The following CECR2 variants were observed in gnomAD, a reference collection of about 807,000 sequenced individuals.
CECR2 encodes chromatin remodeling regulator CECR2.
A neutral mutation model predicts 154.5 loss-of-function variants in CECR2; 30 were observed. The ratio of observed to expected loss-of-function variants is 0.19; its 90% CI spans 0.15 to 0.26. The LOEUF (loss-of-function observed/expected upper bound fraction) is 0.26. CECR2 is among the 10% of genes least tolerant of loss of function. The probability of loss-of-function intolerance (pLI) is 1.00; values close to 1 mark genes in which losing one functional copy is unlikely to be tolerated. For synonymous variants in CECR2, 725 were observed against 683.7 expected (o/e 1.06, Z -0.94); for missense variants, 1,743 against 1,829.3 (o/e 0.95, Z 0.86).
intron 16 of CECR2, among the ~76,000 whole-genome samples, chr22:17,546,484 T>C (rs1379467414): frequency 2.5e-5 from 2 of 80,026 alleles, no homozygotes; most frequent in Non-Finnish European, 4.3e-5. Flanking sequence ...AGACTCTGTC[T>C]CAAAAAAAAA....
chr22:17,532,137 C>G (rs2056365046), intron 9 of CECR2, among the ~76,000 whole-genome samples: 1 of 152,094 alleles, frequency 6.6e-6, no homozygotes, highest in South Asian at 2.1e-4. Flanking sequence ...GCACAGCACT[C>G]CAGCCTGGGC....
chr22:17,516,971 C>T (rs1192605419), intron 8 of CECR2, among the ~76,000 whole-genome samples: 4 of 149,608 alleles, frequency 2.7e-5, no homozygotes, highest in Non-Finnish European at 4.4e-5. Flanking sequence ...AGTGCAGTGG[C>T]GTGATCTCAG....
chr22:17,531,816 C>T (rs770901863), intron 9 of CECR2, among the ~76,000 whole-genome samples: 1 of 152,064 alleles, frequency 6.6e-6, no homozygotes, highest in Non-Finnish European at 1.5e-5. Context: ...GGTGGATTAC[C>T]CTGAGAGGAT....
At chr22:17,531,396 C>T (rs977221232) in intron 9 of CECR2, among the ~76,000 whole-genome samples, 8 of 152,184 alleles carry the variant, frequency 5.3e-5, no homozygotes, top group Admixed American at 1.3e-4. Context: ...GGAAGGAAAT[C>T]GCTGTCTTCC....
intron 1 of CECR2, among the ~76,000 whole-genome samples, chr22:17,433,962 G>T (rs192908131): frequency 0.08 from 12,095 of 152,070 alleles, 1,017 homozygotes; most frequent in African/African-American, 0.22. Flanking sequence ...TTAAAAGGGC[G>T]GTAATGAAAA....
intron 1 of CECR2, among the ~76,000 whole-genome samples, chr22:17,448,808 C>T (rs1166659671): frequency 1.3e-5 from 2 of 152,090 alleles, no homozygotes; most frequent in South Asian, 2.1e-4. Context: ...TCCCAGATGC[C>T]GTCCTCCTAA....
chr22:17,543,100 T>C, intron 16 of CECR2, 97 bp downstream of exon 16: 2 of 1,322,470 alleles, frequency 1.5e-6, no homozygotes, highest in South Asian at 3.1e-5. Context: ...GTTCCCAGCC[T>C]CTCTTTCTTT....
At chr22:17,540,832 C>A (rs1313018404) in intron 14 of CECR2, 32 bp downstream of exon 14, 2 of 1,501,742 alleles carry the variant, frequency 1.3e-6, no homozygotes, top group Non-Finnish European at 1.8e-6. Flanking sequence ...GTTGCGGTTT[C>A]TCCTAGTTTG....
chr22:17,383,119 A>G (rs2063218927), intron 1 of CECR2, among the ~76,000 whole-genome samples: 1 of 152,014 alleles, frequency 6.6e-6, no homozygotes, highest in African/African-American at 2.4e-5. Context: ...CCAGCTGCTC[A>G]GAGGCTGAGG....
intron 1 of CECR2, among the ~76,000 whole-genome samples, chr22:17,460,176 T>C (rs908186207): frequency 9.2e-5 from 14 of 152,292 alleles, no homozygotes; most frequent in Non-Finnish European, 1.6e-4. Context: ...CTTGCAACTT[T>C]GAAGTCTTCT....
At position 17,555,794 on chromosome 22, in the gene CECR2, G is replaced by C. The variant is rs895370125; in HGVS notation, c.*2954G>C. The C allele has an allele frequency of 2.6e-5, 4 of 152,176 alleles. No individual in the cohort carries two copies. The highest frequency in any genetic ancestry group is 5.9e-5 in the Non-Finnish European group (4 of 68,030). The allele number at this position is 152,176 out of a possible 1,614,324, so 9.4% of individuals were successfully genotyped here. A position where few individuals can be genotyped will look rare whatever the true frequency, so the allele number is the denominator to read the frequency against. ...TGGGTCACTGTCACCTTGTCAGCGT[G>C]CCGGCTCTCAGTGGTCCCCAGGAGG... On this transcript the variant is annotated 3_prime_UTR_variant, in exon 19 of 19. Transcript: ENST00000262608.
intron 1 of CECR2, among the ~76,000 whole-genome samples, chr22:17,373,280 C>T (rs747603064): frequency 6.6e-6 from 1 of 152,098 alleles, no homozygotes; most frequent in Non-Finnish European, 1.5e-5. Flanking sequence ...CTTGAATATA[C>T]AGGATTGCTT....
chr22:17,511,688 C>G (rs1166292881), intron 7 of CECR2, 125 bp from the exon 8 acceptor site: 13 of 647,186 alleles, frequency 2.0e-5, no homozygotes, highest in Non-Finnish European at 2.8e-5. Flanking sequence ...CCTAAGGAAG[C>G]CTTTGGCCCT....
chr22:17,415,508 C>T (rs962604258), intron 1 of CECR2, among the ~76,000 whole-genome samples: 1 of 152,230 alleles, frequency 6.6e-6, no homozygotes, highest in Non-Finnish European at 1.5e-5. Context: ...TCCCAAAGTG[C>T]TGGGATTACA....
chr22:17,375,206 T>C lies in CECR2; in HGVS notation c.126+5297T>C, dbSNP rs924250308. 9.3e-5 allele frequency among the ~76,000 whole-genome samples: 14 copies of C among 151,124 alleles called. 1 individual carries two copies. The highest frequency in any genetic ancestry group is 1.5e-5 in the Non-Finnish European group (1 of 67,724). The stretch of plus-strand genomic sequence containing the variant: ...TCGGCTCACTGCAACCTCCACCTCC[T>C]GGGTTCAAGCGATTCTCCTGCCTCA... On this transcript the variant is annotated intron_variant, in intron 1 of 18. Transcript: ENST00000262608.
At chr22:17,414,171 A>C (rs572623255) in intron 1 of CECR2, among the ~76,000 whole-genome samples, 1 of 150,502 alleles carries the variant, frequency 6.6e-6, no homozygotes, top group Non-Finnish European at 1.5e-5. Flanking sequence ...ATGGGATTTC[A>C]CTGTGTTAGC....
intron 1 of CECR2, among the ~76,000 whole-genome samples, chr22:17,447,160 G>A (rs950039974): frequency 1.3e-5 from 2 of 149,216 alleles, no homozygotes; most frequent in Non-Finnish European, 3.0e-5. Flanking sequence ...TCAGCCTCCC[G>A]AGTAGCTGGG....
At chr22:17,500,227 A>G (rs2055711941) in intron 4 of CECR2, among the ~76,000 whole-genome samples, 1 of 140,420 alleles carries the variant, frequency 7.1e-6, no homozygotes, top group Non-Finnish European at 1.6e-5. Flanking sequence ...AAAAAAAAAA[A>G]GAATTTAATG....
chr22:17,384,839 C>T (rs2063240184), intron 1 of CECR2, among the ~76,000 whole-genome samples: 1 of 152,176 alleles, frequency 6.6e-6, no homozygotes, highest in Non-Finnish European at 1.5e-5. Flanking sequence ...TCCTAGGTGG[C>T]ATTTTCTTTC....
Sources: gnomAD v4.1 joint callset for allele counts (sites outside exome capture counted in the v4.1 genomes callset) on GRCh38, gnomAD v4.1.1 for gene constraint, MANE v1.5 for transcripts, NCBI Gene and HGNC (gene_info 2026-07-23, HGNC 2026-07-21) for gene names.